The following SLC22A23 variants were observed in gnomAD, a reference collection of about 807,000 sequenced individuals.
SLC22A23 encodes solute carrier family 22 member 23.
A neutral mutation model predicts 61.0 loss-of-function variants in SLC22A23; 26 were observed. The ratio of observed to expected loss-of-function variants is 0.43; its 90% CI spans 0.31 to 0.59. SLC22A23 has a LOEUF of 0.59. Ranked by LOEUF, SLC22A23 falls within the 20% of genes least tolerant of loss-of-function variation. SLC22A23 has a pLI of 0.11. For missense variants in SLC22A23, 796 were observed against 934.7 expected, an observed-to-expected ratio of 0.85 and a Z score of 1.94; for synonymous variants, 430 against 413.9, an observed-to-expected ratio of 1.04 and a Z score of -0.47.
chr6:3,430,962 A>T (rs1770817747), intron 1 of SLC22A23, among the ~76,000 whole-genome samples: 1 of 151,168 alleles, frequency 6.6e-6, no homozygotes, highest in Non-Finnish European at 1.5e-5. Context: ...GCTACTTGGG[A>T]GGCTGAGGCA....
At chr6:3,319,892 T>G (rs1762851158) in intron 4 of SLC22A23, among the ~76,000 whole-genome samples, 1 of 152,214 alleles carries the variant, frequency 6.6e-6, no homozygotes, top group African/African-American at 2.4e-5. Context: ...TCCTGCGTGG[T>G]GCAGACTTCA....
intron 3 of SLC22A23, among the ~76,000 whole-genome samples, chr6:3,331,103 C>T (rs1185620791): frequency 2.6e-5 from 4 of 152,204 alleles, no homozygotes; most frequent in Non-Finnish European, 2.9e-5. Context: ...GCTCATTTTA[C>T]ATGAGAGGAC....
chr6:3,321,704 G>A (rs1762963127), intron 4 of SLC22A23, among the ~76,000 whole-genome samples: 1 of 152,114 alleles, frequency 6.6e-6, no homozygotes, highest in African/African-American at 2.4e-5. Flanking sequence ...CCTGGGACAG[G>A]TGGGTGCAGA....
intron 3 of SLC22A23, among the ~76,000 whole-genome samples, chr6:3,331,618 C>T (rs761945921): frequency 2.6e-5 from 4 of 152,166 alleles, no homozygotes; most frequent in Non-Finnish European, 5.9e-5. Flanking sequence ...GATTTTACTA[C>T]CTTCTGTTTT....
chr6:3,427,065 G>A lies in SLC22A23; in HGVS notation c.655-11210C>T, dbSNP rs1770543013. 6.6e-6 allele frequency among the ~76,000 whole-genome samples: 1 copy of A among 152,238 alleles called. No homozygotes were observed. Among genetic ancestry groups the A allele is most frequent in the Non-Finnish European group, 1.5e-5 (1 of 68,044 alleles). ...CAAGCACAGCTGGGATGCAGGCTAAGAGCTCGGAGTTTGAGCCTGATAAGC... is the reference window on the plus strand; with the variant it reads ...CAAGCACAGCTGGGATGCAGGCTAAAAGCTCGGAGTTTGAGCCTGATAAGC... On this transcript the variant is annotated intron_variant, in intron 1 of 9. Coordinates refer to ENST00000406686, the MANE Select transcript of SLC22A23 (RefSeq NM_015482.2). This position sits in a 1 kb window ranked among gnomAD's most constrained non-coding sequence, Gnocchi z 4.3.
intron 3 of SLC22A23, among the ~76,000 whole-genome samples, chr6:3,368,848 G>A (rs1023125375): frequency 6.6e-6 from 1 of 152,162 alleles, no homozygotes; most frequent in African/African-American, 2.4e-5. Flanking sequence ...TGCCAGGAAG[G>A]TGGGTTCGTT....
At chr6:3,417,521 C>G (rs187540789) in intron 1 of SLC22A23, among the ~76,000 whole-genome samples, 241 of 152,296 alleles carry the variant, frequency 1.6e-3, no homozygotes, top group African/African-American at 5.5e-3. Flanking sequence ...GGGTTAACTT[C>G]CTTCCATGAT....
intron 3 of SLC22A23, among the ~76,000 whole-genome samples, chr6:3,367,205 A>C (rs949382364): frequency 3.9e-5 from 6 of 152,216 alleles, no homozygotes; most frequent in African/African-American, 1.4e-4. Flanking sequence ...TGGCAAGAGC[A>C]TCAGTCTCAT....
In SLC22A23 at chr6:3,372,995, G is replaced by A. The variant is rs2127464929; in HGVS notation, c.913+37193C>T. On this transcript the variant is annotated intron_variant, in intron 3 of 9. Transcript: ENST00000406686. The surrounding 1 kb of genome is among the most constrained non-coding windows in gnomAD (Gnocchi z 4.7). ...GTTCTGAGGCTGCTCTGCTTAGGAA[G>A]GCCTGCCTGCGAGGCTGGTTCTTGG... 6.6e-6 allele frequency among the ~76,000 whole-genome samples: 1 copy of A among 152,346 alleles called. No individual in the cohort carries two copies. The highest frequency in any genetic ancestry group is 2.1e-4 in the South Asian group (1 of 4,824).
At chr6:3,275,736 C>CGT (rs1758833339) in intron 9 of SLC22A23, among the ~76,000 whole-genome samples, 1 of 152,180 alleles carries the variant, frequency 6.6e-6, no homozygotes, top group Non-Finnish European at 1.5e-5. Flanking sequence ...GCGCGTGCCA[C>CGT]CATGCCCAGC....
chr6:3,316,099 G>C (rs1002043635), intron 4 of SLC22A23, among the ~76,000 whole-genome samples: 1 of 152,182 alleles, frequency 6.6e-6, no homozygotes, highest in African/African-American at 2.4e-5. Context: ...CCTGAGATCC[G>C]TATTTCTAGC....
rs1758532412 is a variant in SLC22A23 at position 3,272,385 on chromosome 6, A to G, written c.*670T>C. The G allele has an allele frequency of 6.5e-6, 1 of 152,756 alleles. No homozygotes were observed. Among genetic ancestry groups the G allele is most frequent in the South Asian group, 2.1e-4 (1 of 4,824 alleles). The allele number at this position is 152,756 out of a possible 1,614,324, so 9.5% of individuals were successfully genotyped here. On this transcript the variant is annotated 3_prime_UTR_variant, in exon 10 of 10. Coordinates refer to ENST00000406686, the MANE Select transcript of SLC22A23 (RefSeq NM_015482.2). ...GGTGAAATGTTTAAGCTTTTTCTCC[A>G]AGAGCTTCCAGCATCAAGTACAAAA... is the stretch of plus-strand genomic sequence containing the variant.
Position 3,272,917 on chromosome 6 carries a change from A to G in SLC22A23, c.*138T>C. The G allele has an allele frequency of 4.0e-6, 3 of 752,390 alleles. No homozygotes were observed. Among genetic ancestry groups the G allele is most frequent in the Non-Finnish European group, 6.3e-6 (3 of 475,404 alleles). The allele number at this position is 752,390 out of a possible 1,614,324, so 46.6% of individuals were successfully genotyped here. On this transcript the variant is annotated 3_prime_UTR_variant, in exon 10 of 10. Coordinates refer to ENST00000406686, the MANE Select transcript of SLC22A23 (RefSeq NM_015482.2). ...GCGCTCCTTGGACTTTTGGAAAGAC[A>G]GGATTTCCCCACACCAGTTGAGAGG...
At chr6:3,312,992 G>A (rs1464944511) in intron 4 of SLC22A23, 2 of 152,204 alleles carry the variant, frequency 1.3e-5, no homozygotes, top group South Asian at 2.1e-4. Flanking sequence ...CTTAGCATGA[G>A]GACAGGAAGG....
At chr6:3,347,823 A>T (rs1163621990) in intron 3 of SLC22A23, among the ~76,000 whole-genome samples, 2 of 152,154 alleles carry the variant, frequency 1.3e-5, no homozygotes, top group Non-Finnish European at 2.9e-5. Flanking sequence ...TTGGCTTGGC[A>T]TAGGAGGTCC....
rs138401444 is a variant in SLC22A23 at position 3,372,889 on chromosome 6, C to T, written c.913+37299G>A. The stretch of plus-strand genomic sequence containing the variant: ...CACTAAGTGAGAGTCAGGATTCTTC[C>T]GTAAAACTCCAATTAGCCAAAAGCT... On this transcript the variant is annotated intron_variant, in intron 3 of 9. Transcript: ENST00000406686. The surrounding 1 kb of genome is among the most constrained non-coding windows in gnomAD (Gnocchi z 4.7). Among the ~76,000 whole-genome samples the T allele has an allele frequency of 5.3e-4, 80 of 152,278 alleles. No individual in the cohort carries two copies. Among genetic ancestry groups the T allele is most frequent in the African/African-American group, 1.7e-3 (71 of 41,548 alleles).
intron 1 of SLC22A23, among the ~76,000 whole-genome samples, chr6:3,430,191 T>G (rs1198557998): frequency 6.6e-6 from 1 of 152,194 alleles, no homozygotes; most frequent in Non-Finnish European, 1.5e-5. Flanking sequence ...AAAGCACAGT[T>G]GTCTTACAGG....
At chr6:3,370,521 C>T (rs560301382) in intron 3 of SLC22A23, among the ~76,000 whole-genome samples, 110 of 152,378 alleles carry the variant, frequency 7.2e-4, no homozygotes, top group Non-Finnish European at 1.4e-3. Flanking sequence ...GCCCTTGAGG[C>T]GGTGGCCAGG....
intron 1 of SLC22A23, among the ~76,000 whole-genome samples, chr6:3,433,691 T>G (rs2326231): frequency 0.3 from 46,177 of 152,064 alleles, 8,151 homozygotes; most frequent in East Asian, 0.48. Flanking sequence ...AACACAGTGT[T>G]GTCTACCCAT....
Sources: allele counts gnomAD v4.1 joint callset (sites outside exome capture counted in the v4.1 genomes callset), GRCh38; gene constraint gnomAD v4.1.1; non-coding constraint Gnocchi (gnomAD v3.1); transcripts MANE v1.5; gene names NCBI Gene and HGNC (gene_info 2026-07-23, HGNC 2026-07-21).